The following RANBP9 variants were observed in gnomAD, a reference collection of about 807,000 sequenced individuals.
RANBP9 encodes the protein ran-binding protein 9.
Under a neutral mutation model 84.3 loss-of-function variants are expected in RANBP9, and 15 were observed. That is an observed-to-expected ratio of 0.18 (90% confidence interval 0.12 to 0.27). RANBP9 has a LOEUF of 0.27. Among genes scored for constraint, RANBP9 ranks in the 10% least tolerant of loss-of-function variants. RANBP9 has a pLI of 1.00. For missense variants in RANBP9, 809 were observed against 912.8 expected, an observed-to-expected ratio of 0.89 and a Z score of 1.46; for synonymous variants, 392 against 349.6, an observed-to-expected ratio of 1.12 and a Z score of -1.35.
At chr6:13,697,599 A>G (rs945066644) in intron 1 of RANBP9, among the ~76,000 whole-genome samples, 3 of 152,226 alleles carry the variant, frequency 2.0e-5, no homozygotes, top group Non-Finnish European at 2.9e-5. Flanking sequence ...TAAACCAGCT[A>G]TTCCTCAATT....
intron 2 of RANBP9, among the ~76,000 whole-genome samples, chr6:13,659,407 G>A (rs1448726567): frequency 6.6e-6 from 1 of 151,968 alleles, no homozygotes; most frequent in Non-Finnish European, 1.5e-5. Context: ...TGAGCAAACT[G>A]ACAAAATCTA....
intron 2 of RANBP9, among the ~76,000 whole-genome samples, chr6:13,689,570 A>G (rs532413598): frequency 5.3e-5 from 8 of 152,220 alleles, no homozygotes; most frequent in Admixed American, 1.3e-4. Flanking sequence ...CACCACACTC[A>G]GCCTGTTCTT....
intron 1 of RANBP9, among the ~76,000 whole-genome samples, chr6:13,706,258 G>A (rs542459994): frequency 2.0e-5 from 3 of 152,262 alleles, no homozygotes; most frequent in Middle Eastern, 3.4e-3. Flanking sequence ...GCAGGAAAAT[G>A]GCGTGAACGC....
intron 2 of RANBP9, among the ~76,000 whole-genome samples, chr6:13,668,724 G>C (rs1765707228): frequency 6.6e-6 from 1 of 151,930 alleles, no homozygotes; most frequent in Non-Finnish European, 1.5e-5. Context: ...TGAAACAGAA[G>C]GAAACTTCCT....
chr6:13,661,435 C>A (rs1765536266), intron 2 of RANBP9, among the ~76,000 whole-genome samples: 1 of 150,930 alleles, frequency 6.6e-6, no homozygotes, highest in Non-Finnish European at 1.5e-5. Context: ...AATAAGGCTG[C>A]AAGGACAAAA....
intron 12 of RANBP9, among the ~76,000 whole-genome samples, chr6:13,629,917 C>G (rs566207803): frequency 0.019 from 2,401 of 124,502 alleles, 21 homozygotes; most frequent in African/African-American, 0.03. Context: ...CTCTCTCTCT[C>G]TCTCGTGTGT....
chr6:13,707,210 G>C (rs190083977), intron 1 of RANBP9, among the ~76,000 whole-genome samples: 1 of 151,940 alleles, frequency 6.6e-6, no homozygotes, highest in African/African-American at 2.4e-5. Flanking sequence ...GTAGAGACGG[G>C]GTCCCACTAT....
intron 2 of RANBP9, among the ~76,000 whole-genome samples, chr6:13,667,668 A>G (rs749310484): frequency 2.6e-5 from 4 of 152,104 alleles, no homozygotes; most frequent in African/African-American, 4.8e-5. Context: ...ACAATTCCCT[A>G]TTGTAACACA....
At chr6:13,638,829 G>A (rs137953547) in intron 9 of RANBP9, among the ~76,000 whole-genome samples, 251 of 152,078 alleles carry the variant, frequency 1.7e-3, no homozygotes, top group African/African-American at 5.8e-3. Flanking sequence ...GCTGACTTTT[G>A]CAAGAGGCTT....
At chr6:13,623,643 C>T (rs558563382) in intron 13 of RANBP9, among the ~76,000 whole-genome samples, 4 of 152,062 alleles carry the variant, frequency 2.6e-5, no homozygotes, top group Admixed American at 1.3e-4. Flanking sequence ...AAGCATCTGG[C>T]GATGCATCTT....
At chr6:13,639,218 A>C (rs931954099) in intron 9 of RANBP9, among the ~76,000 whole-genome samples, 4 of 152,162 alleles carry the variant, frequency 2.6e-5, no homozygotes, top group African/African-American at 9.7e-5. Flanking sequence ...TCCCTCTGTC[A>C]CCCAGGCTGG....
intron 2 of RANBP9, among the ~76,000 whole-genome samples, chr6:13,681,149 C>A: frequency 6.6e-6 from 1 of 152,094 alleles, no homozygotes; most frequent in African/African-American, 2.4e-5. Context: ...ATGCATCATG[C>A]TAAGTGATTA....
intron 4 of RANBP9, among the ~76,000 whole-genome samples, chr6:13,655,048 T>C (rs536890696): frequency 1.3e-5 from 2 of 152,406 alleles, no homozygotes; most frequent in South Asian, 4.1e-4. Flanking sequence ...TTACCTGGCA[T>C]AGGCCGGGAG....
rs555398148 is a variant in RANBP9 at position 13,645,822 on chromosome 6, C to T, written c.928-1093G>A. On this transcript the variant is annotated intron_variant, in intron 5 of 13. Transcript: ENST00000011619. The stretch of plus-strand genomic sequence containing the variant: ...TACAAAACAAGGTAAAGATCAAGAG[C>T]GGATAATTTCTGTGTGAATATGTTA... 4.6e-5 allele frequency among the ~76,000 whole-genome samples: 7 copies of T among 152,098 alleles called. No individual in the cohort carries two copies. In the South Asian group the frequency reaches 8.3e-4, roughly 18 times the overall value.
intron 2 of RANBP9, among the ~76,000 whole-genome samples, chr6:13,677,546 TATA>T (rs896443821): frequency 2.6e-5 from 4 of 152,166 alleles, no homozygotes; most frequent in Non-Finnish European, 4.4e-5. Context: ...GCATTATGAA[TATA>T]ATAAGACTTA....
intron 11 of RANBP9, chr6:13,632,750 G>C: frequency 2.4e-6 from 1 of 419,814 alleles, no homozygotes; most frequent in South Asian, 4.2e-5. Context: ...CAGTTGAGAG[G>C]GGACAACCTT....
intron 9 of RANBP9, among the ~76,000 whole-genome samples, chr6:13,638,445 T>C (rs1355020339): frequency 6.6e-6 from 1 of 152,148 alleles, no homozygotes; most frequent in Non-Finnish European, 1.5e-5. Flanking sequence ...AGACACTATC[T>C]GACTTGTTTA....
At chr6:13,626,757 A>G (rs1488080835) in intron 12 of RANBP9, among the ~76,000 whole-genome samples, 1 of 152,232 alleles carries the variant, frequency 6.6e-6, no homozygotes, top group East Asian at 1.9e-4. Flanking sequence ...TGAAATTCCT[A>G]AAGAGCACCA....
intron 11 of RANBP9, among the ~76,000 whole-genome samples, chr6:13,632,932 T>A (rs1764832913): frequency 6.7e-6 from 1 of 150,084 alleles, no homozygotes; most frequent in African/African-American, 2.4e-5. Flanking sequence ...TCCTGAAAGC[T>A]AAGAAAAGCT....
Sources: gnomAD v4.1 joint callset for allele counts (sites outside exome capture counted in the v4.1 genomes callset) on GRCh38, gnomAD v4.1.1 for gene constraint, MANE v1.5 for transcripts, NCBI Gene and HGNC (gene_info 2026-07-23, HGNC 2026-07-21) for gene names.